Variants in SIDT1 observed in about 807,000 individuals in gnomAD.
SIDT1 encodes SID1 transmembrane family, member 1.
SIDT1 carries 101 observed loss-of-function variants against 107.5 expected under a neutral mutation model. The ratio of observed to expected loss-of-function variants is 0.94; its 90% CI spans 0.80 to 1.11. The LOEUF is 1.11. Ranked by LOEUF, SIDT1 falls within the 50% of genes least tolerant of loss-of-function variation. The pLI is 0.00. For missense variants in SIDT1, 1,076 were observed against 1,058.2 expected (o/e 1.02, Z -0.23); for synonymous variants, 395 against 398.2 (o/e 0.99, Z 0.10).
intron 9 of SIDT1, 121 bp from the exon 10 acceptor site, chr3:113,592,884 C>T: frequency 1.2e-6 from 1 of 823,946 alleles, no homozygotes; most frequent in African/African-American, 1.7e-5. Flanking sequence ...CCGCACCTGG[C>T]CCCAAAGACA....
chr3:113,633,683 C>A (rs1947106973), downstream of SIDT1, among the ~76,000 whole-genome samples: 1 of 152,200 alleles, frequency 6.6e-6, no homozygotes, highest in Non-Finnish European at 1.5e-5. Context: ...TACTTAACTT[C>A]ATGAAAAGCA....
rs769388881 is a variant in SIDT1 at position 113,623,541 on chromosome 3, G to A, written c.2196+9G>A. The A allele has an allele frequency of 1.2e-6, 2 of 1,610,370 alleles. No individual in the cohort carries two copies. The highest frequency in any genetic ancestry group is 1.7e-4 in the Middle Eastern group (1 of 6,060). ...TTTACATCATCATGAAGGTAAGAGC[G>A]GGTGCCGGGAGCGGCTACCTCGGGC... On this transcript the variant is annotated intron_variant, in intron 22 of 24. Coordinates refer to ENST00000264852, the MANE Select transcript of SIDT1 (RefSeq NM_017699.3).
intron 1 of SIDT1, among the ~76,000 whole-genome samples, chr3:113,552,759 T>G (rs905744744): frequency 6.6e-6 from 1 of 152,188 alleles, no homozygotes; most frequent in African/African-American, 2.4e-5. Flanking sequence ...TTGTGTCATT[T>G]ACTCACAATT....
At chr3:113,538,942 C>G (rs1432807360) in intron 1 of SIDT1, among the ~76,000 whole-genome samples, 1 of 152,088 alleles carries the variant, frequency 6.6e-6, no homozygotes, top group African/African-American at 2.4e-5. Context: ...TGGTAGCCAC[C>G]ATTGATCATC....
intron 1 of SIDT1, among the ~76,000 whole-genome samples, chr3:113,535,459 C>A (rs918921829): frequency 2.0e-5 from 3 of 152,104 alleles, no homozygotes; most frequent in African/African-American, 7.2e-5. Context: ...AAACAAATTT[C>A]TTTCATAAAA....
At chr3:113,547,471 C>G (rs148524801) in intron 1 of SIDT1, among the ~76,000 whole-genome samples, 1 of 152,118 alleles carries the variant, frequency 6.6e-6, no homozygotes, top group Non-Finnish European at 1.5e-5. Context: ...TTTGAATTCT[C>G]GTTCCCTCAT....
At chr3:113,626,411 T>C (rs577448859) in intron 24 of SIDT1, among the ~76,000 whole-genome samples, 196 bp downstream of exon 24, 1 of 152,324 alleles carries the variant, frequency 6.6e-6, no homozygotes, top group Non-Finnish European at 1.5e-5. Flanking sequence ...AGTTTTTCTT[T>C]TACTCTTCAA....
rs146353910 is a variant in SIDT1, at chr3:113,607,107, G to A, written c.1471G>A (p.Val491Ile). The stretch of plus-strand genomic sequence containing the variant: ...CTTCCTCTGTGCTCACCCCTTGGGC[G>A]TCCTGAGGTAAACCCAGTCCTCTGG... ...YNFLCAHPLG[V>I]LSAFNNILSN... The change falls in exon 15 of 25, where the codon GTC (valine) becomes ATC (isoleucine). Residue 491 changes from valine to isoleucine, a missense_variant. By Grantham distance (29) the Val-to-Ile change is conservative. Transcript: ENST00000264852. 1.1e-4 allele frequency: 169 copies of A among 1,608,784 alleles called. No individual in the cohort carries two copies. In the African/African-American group the frequency reaches 1.2e-3, roughly 11 times the overall value.
chr3:113,589,923 T>A (rs919373146), intron 9 of SIDT1: 3 of 153,038 alleles, frequency 2.0e-5, no homozygotes, highest in African/African-American at 7.2e-5. Context: ...AAGTTGGAGA[T>A]ATATTATAGT....
At chr3:113,615,201 G>T in intron 19 of SIDT1, 1 of 1,022,186 alleles carries the variant, frequency 9.8e-7, no homozygotes, top group South Asian at 1.4e-5. Context: ...CCGTGGGAGT[G>T]GGGAGCCAGA....
chr3:113,629,842 A>G (rs1947069158), downstream of SIDT1, among the ~76,000 whole-genome samples: 1 of 152,236 alleles, frequency 6.6e-6, no homozygotes, highest in Non-Finnish European at 1.5e-5. Flanking sequence ...ACAAACGCAC[A>G]CACTGTGGTC....
chr3:113,595,247 A>T (rs1278026190), intron 10 of SIDT1, among the ~76,000 whole-genome samples: 1 of 151,942 alleles, frequency 6.6e-6, no homozygotes, highest in Non-Finnish European at 1.5e-5. Flanking sequence ...CGTGCACTAG[A>T]TTCTAGGAGT....
rs539895711 is a variant in SIDT1, at chr3:113,584,468, A to T, written c.836-230A>T. 4.5e-4 allele frequency among the ~76,000 whole-genome samples: 69 copies of T among 152,310 alleles called. No individual in the cohort carries two copies. The South Asian group carries it at 0.014, about 31-fold the overall frequency. ...GCATCTGTTAGTGGTACCAAAATGCACACAAGCAAAGGCCAAATTGAGAGT... is the reference window on the plus strand; with the variant it reads ...GCATCTGTTAGTGGTACCAAAATGCTCACAAGCAAAGGCCAAATTGAGAGT... On this transcript the variant is annotated intron_variant, in intron 7 of 24. Coordinates refer to ENST00000264852, the MANE Select transcript of SIDT1 (RefSeq NM_017699.3).
chr3:113,588,540 G>C (rs533899414), intron 9 of SIDT1, among the ~76,000 whole-genome samples: 1 of 152,280 alleles, frequency 6.6e-6, no homozygotes, highest in South Asian at 2.1e-4. Flanking sequence ...CTTGCCATCA[G>C]GGAGGTAAGA....
chr3:113,545,173 C>T (rs986715329), intron 1 of SIDT1, among the ~76,000 whole-genome samples: 1 of 140,064 alleles, frequency 7.1e-6, no homozygotes, highest in East Asian at 2.2e-4. Context: ...CTTGATACTA[C>T]GTAAATATCC....
chr3:113,636,274 G>A, the SIDT1 span, among the ~76,000 whole-genome samples: 9 of 152,134 alleles, frequency 5.9e-5, no homozygotes, highest in East Asian at 1.9e-4. Flanking sequence ...GTGATGGTGC[G>A]TGCCTGTAAT....
intron 17 of SIDT1, among the ~76,000 whole-genome samples, chr3:113,610,314 T>G (rs1945642679): frequency 6.6e-6 from 1 of 152,324 alleles, no homozygotes; most frequent in East Asian, 1.9e-4. Flanking sequence ...TACCAAAAAC[T>G]GACAAATTTC....
chr3:113,578,596 C>A (rs547402740), intron 4 of SIDT1, among the ~76,000 whole-genome samples: 1 of 152,112 alleles, frequency 6.6e-6, no homozygotes, highest in African/African-American at 2.4e-5. Flanking sequence ...ACCTGTAATC[C>A]CAACACTTTG....
chr3:113,592,601 C>CTTTTT lies in SIDT1; in HGVS notation c.1002-397_1002-393dup, dbSNP rs376575022. 0.015 allele frequency: 2,151 copies of CTTTTT among 146,842 alleles called. 173 individuals are homozygous for CTTTTT. In the East Asian group the frequency reaches 0.24, roughly 16 times the overall value. The allele number at this position is 146,842 out of a possible 1,614,324, so 9.1% of individuals were successfully genotyped here. A position where few individuals can be genotyped will look rare whatever the true frequency, so the allele number is the denominator to read the frequency against. On this transcript the variant is annotated intron_variant, in intron 9 of 24. Transcript: ENST00000264852. Reference sequence around the variant, plus strand: ...TTGTTTTGTTTTTCTTTTTCTTTTTCTTTTTTTTTTTGAGATGGAGTCTCG... The same window carrying CTTTTT: ...TTGTTTTGTTTTTCTTTTTCTTTTTCTTTTTTTTTTTTTTTTGAGATGGAGTCTCG...
Sources: gnomAD v4.1 joint callset for allele counts (sites outside exome capture counted in the v4.1 genomes callset) on GRCh38, gnomAD v4.1.1 for gene constraint, MANE v1.5 for transcripts, NCBI Gene and HGNC (gene_info 2026-07-23, HGNC 2026-07-21) for gene names.